The following CNTNAP2 variants were observed in gnomAD, a reference collection of about 807,000 sequenced individuals.
CNTNAP2 encodes the protein contactin associated protein 2.
CNTNAP2 carries 98 observed loss-of-function variants against 155.2 expected under a neutral mutation model. That is an observed-to-expected ratio of 0.63 (90% CI 0.54 to 0.75). The LOEUF is 0.75. CNTNAP2 is among the 30% of genes least tolerant of loss of function. The pLI, the probability that CNTNAP2 is intolerant of heterozygous loss-of-function variation, is 0.00. For synonymous variants in CNTNAP2, 651 were observed against 631.2 expected (o/e 1.03, Z -0.47); for missense variants, 1,727 against 1,688.1 (o/e 1.02, Z -0.40).
intron 13 of CNTNAP2, among the ~76,000 whole-genome samples, chr7:147,681,558 T>C (rs1490693927): frequency 6.6e-6 from 1 of 151,970 alleles, no homozygotes; most frequent in Non-Finnish European, 1.5e-5. Flanking sequence ...TCTTCCATCT[T>C]GTTTATTGTA....
At chr7:146,873,141 G>T (rs1055005974) in intron 3 of CNTNAP2, among the ~76,000 whole-genome samples, 1 of 152,104 alleles carries the variant, frequency 6.6e-6, no homozygotes, top group Non-Finnish European at 1.5e-5. Context: ...GGTGGATTTA[G>T]ACCACTGCAT....
At chr7:146,532,907 A>G (rs1797790355) in intron 1 of CNTNAP2, among the ~76,000 whole-genome samples, 1 of 151,834 alleles carries the variant, frequency 6.6e-6, no homozygotes, top group Non-Finnish European at 1.5e-5. Context: ...ATGTGCTGAA[A>G]CCCCATCTCT....
At chr7:146,595,789 T>C (rs1798850560) in intron 1 of CNTNAP2, among the ~76,000 whole-genome samples, 1 of 152,064 alleles carries the variant, frequency 6.6e-6, no homozygotes, top group Non-Finnish European at 1.5e-5. Flanking sequence ...TTCATATACA[T>C]AAATCAAAGT....
intron 13 of CNTNAP2, among the ~76,000 whole-genome samples, chr7:147,724,731 G>A (rs939740663): frequency 7.2e-5 from 11 of 151,932 alleles, no homozygotes; most frequent in East Asian, 1.9e-4. Context: ...ATTACACTGC[G>A]GAAGCTAGAA....
intron 15 of CNTNAP2, among the ~76,000 whole-genome samples, chr7:147,984,765 G>T (rs1486084404): frequency 1.3e-5 from 2 of 151,964 alleles, no homozygotes; most frequent in Non-Finnish European, 2.9e-5. Context: ...ATATCATCCT[G>T]GAAAAACAGG....
intron 1 of CNTNAP2, among the ~76,000 whole-genome samples, chr7:146,248,797 G>C (rs946763182): frequency 6.6e-6 from 1 of 152,148 alleles, no homozygotes; most frequent in African/African-American, 2.4e-5. Flanking sequence ...CCCCTGATCC[G>C]AGTCACGGCA....
At chr7:147,163,242 A>G (rs1278003519) in intron 8 of CNTNAP2, among the ~76,000 whole-genome samples, 1 of 152,202 alleles carries the variant, frequency 6.6e-6, no homozygotes, top group Non-Finnish European at 1.5e-5. Flanking sequence ...ATGGATGGCT[A>G]GGCTGTGCAT....
At chr7:147,188,491 T>C (rs946296613) in intron 8 of CNTNAP2, among the ~76,000 whole-genome samples, 2 of 152,170 alleles carry the variant, frequency 1.3e-5, no homozygotes, top group African/African-American at 4.8e-5. Flanking sequence ...ACAAGAATTA[T>C]AGGGTGAATT....
At chr7:146,639,030 G>T (rs2129160723) in intron 1 of CNTNAP2, among the ~76,000 whole-genome samples, 1 of 152,116 alleles carries the variant, frequency 6.6e-6, no homozygotes, top group South Asian at 2.1e-4. Flanking sequence ...AAATAGAAAA[G>T]GTACAGTAAA....
chr7:147,125,968 G>A (rs187059067), intron 6 of CNTNAP2, among the ~76,000 whole-genome samples: 252 of 152,204 alleles, frequency 1.7e-3, no homozygotes, highest in African/African-American at 5.9e-3. Flanking sequence ...TATCCCTGTT[G>A]CAAATCACTC....
At chr7:147,234,037 TA>T (rs397791358) in intron 8 of CNTNAP2, among the ~76,000 whole-genome samples, 61,541 of 133,414 alleles carry the variant, frequency 0.46, 13,482 homozygotes, top group African/African-American at 0.5. Context: ...CTATCCACAG[TA>T]AAAAAAAAAA....
chr7:147,476,289 T>C (rs1563219441), intron 10 of CNTNAP2, among the ~76,000 whole-genome samples: 1 of 151,900 alleles, frequency 6.6e-6, no homozygotes, highest in East Asian at 2.0e-4. Flanking sequence ...GTATTTTTAG[T>C]AGAGATGGGG....
chr7:146,739,185 AGTTT>A (rs1801668614), intron 1 of CNTNAP2, among the ~76,000 whole-genome samples: 1 of 151,574 alleles, frequency 6.6e-6, no homozygotes, highest in South Asian at 2.1e-4. Flanking sequence ...CTTTGGACTT[AGTTT>A]GTTTTTGTTT....
intron 21 of CNTNAP2, among the ~76,000 whole-genome samples, chr7:148,330,378 GGAGTGGACGGATA>G (rs1193611873): frequency 1.3e-5 from 2 of 151,338 alleles, no homozygotes; most frequent in East Asian, 3.9e-4. Context: ...ATGGATAGAT[GGAGTGGACGGATA>G]GAGTGGAGGG....
chr7:147,799,425 G>A (rs1797952722), intron 13 of CNTNAP2, among the ~76,000 whole-genome samples: 1 of 152,118 alleles, frequency 6.6e-6, no homozygotes. Context: ...GCATTGGGAA[G>A]AAGACGTGGT....
rs142042242 is a variant in CNTNAP2, at chr7:147,517,906, G to A, written c.1777+31865G>A. Among the ~76,000 whole-genome samples, 364 of 152,262 alleles carry A rather than the reference G, an allele frequency of 2.4e-3. 1 individual carries two copies. Among genetic ancestry groups the A allele is most frequent in the African/African-American group, 8.2e-3 (340 of 41,562 alleles). ...GAACCATCCATTGCGTCACCATCTAGAAATAAGCACTGTTGTTTTTCTTTT... is the reference window on the plus strand; with the variant it reads ...GAACCATCCATTGCGTCACCATCTAAAAATAAGCACTGTTGTTTTTCTTTT... On this transcript the variant is annotated intron_variant, in intron 11 of 23. Coordinates refer to ENST00000361727, the MANE Select transcript of CNTNAP2 (RefSeq NM_014141.6).
chr7:146,582,531 G>T (rs1415937812), intron 1 of CNTNAP2, among the ~76,000 whole-genome samples: 1 of 152,060 alleles, frequency 6.6e-6, no homozygotes. Flanking sequence ...GATTTATAAC[G>T]CAAGCCCTGA....
chr7:146,843,999 T>C (rs1244177416), intron 3 of CNTNAP2, among the ~76,000 whole-genome samples: 1 of 151,946 alleles, frequency 6.6e-6, no homozygotes, highest in Non-Finnish European at 1.5e-5. Flanking sequence ...TGAATATAAT[T>C]TTAAACAAAT....
intron 15 of CNTNAP2, among the ~76,000 whole-genome samples, chr7:148,108,368 A>T (rs564818257): frequency 2.2e-4 from 17 of 77,156 alleles, no homozygotes; most frequent in African/African-American, 1.5e-3. Flanking sequence ...AAAAATTAAA[A>T]AAAAAAAAAT....
Sources: gnomAD v4.1 joint callset for allele counts (sites outside exome capture counted in the v4.1 genomes callset) on GRCh38, gnomAD v4.1.1 for gene constraint, MANE v1.5 for transcripts, NCBI Gene and HGNC (gene_info 2026-07-23, HGNC 2026-07-21) for gene names.